Variants in FAAH2 observed in about 807,000 individuals in gnomAD.
FAAH2 encodes the protein fatty-acid amide hydrolase 2.
A neutral mutation model predicts 36.9 loss-of-function variants in FAAH2; 60 were observed. That is an observed-to-expected ratio of 1.63 (90% CI 1.32 to 2.02). FAAH2 has a LOEUF of 2.02. Ranked by LOEUF, FAAH2 falls within the 30% of genes most tolerant of loss-of-function variation. The pLI, the probability that FAAH2 is intolerant of heterozygous loss-of-function variation, is 0.00. For synonymous variants in FAAH2, 214 were observed against 143.8 expected (o/e 1.49, Z -3.49); for missense variants, 689 against 397.5 (o/e 1.73, Z -6.23).
the FAAH2 span, among the ~76,000 whole-genome samples, chrX:57,144,622 C>T: frequency 1.8e-5 from 2 of 109,661 alleles, no homozygotes; most frequent in African/African-American, 3.3e-5. Flanking sequence ...ACGTATCACC[C>T]GAGCAGTTTA....
At chrX:57,443,522 A>C (rs2056608849) in intron 8 of FAAH2, among the ~76,000 whole-genome samples, 1 of 111,499 alleles carries the variant, frequency 9.0e-6, no homozygotes, top group Non-Finnish European at 1.9e-5. Context: ...ATCTTTTTTC[A>C]AGGTTTTTAA....
intron 5 of FAAH2, among the ~76,000 whole-genome samples, chrX:57,366,425 C>T (rs2054416731): frequency 8.9e-6 from 1 of 112,023 alleles, no homozygotes; most frequent in East Asian, 2.8e-4. Flanking sequence ...CCTGGAGGGG[C>T]CAATGTGTTC....
chrX:57,485,154 G>A (rs917317900), intron 10 of FAAH2, among the ~76,000 whole-genome samples: 1 of 112,032 alleles, frequency 8.9e-6, no homozygotes, highest in Non-Finnish European at 1.9e-5. Flanking sequence ...TGTGAGGCAC[G>A]TGTTACACCC....
At chrX:57,394,239 G>A in intron 7 of FAAH2, 3 of 726,752 alleles carry the variant, frequency 4.1e-6, no homozygotes, top group Non-Finnish European at 6.6e-6. Flanking sequence ...AAAAAGTTCT[G>A]GTAAAGATGG....
At chrX:57,461,649 G>A (rs1487486843) in intron 10 of FAAH2, among the ~76,000 whole-genome samples, 8 of 111,112 alleles carry the variant, frequency 7.2e-5, no homozygotes, top group African/African-American at 2.6e-4. Context: ...CACAGCTGAA[G>A]CAGTGTTAAG....
intron 5 of FAAH2, among the ~76,000 whole-genome samples, chrX:57,347,647 G>A (rs1046016191): frequency 8.2e-5 from 5 of 60,839 alleles, no homozygotes; most frequent in Non-Finnish European, 1.3e-4. Context: ...TGCTGTTGTT[G>A]TTGTTTTAAT....
chrX:57,283,017 A>G (rs1262360434), upstream of FAAH2, among the ~76,000 whole-genome samples: 1 of 111,922 alleles, frequency 8.9e-6, no homozygotes. Context: ...TCTACCCTAG[A>G]GAAATTCAGA....
chrX:57,210,736 G>A, the FAAH2 span, among the ~76,000 whole-genome samples: 25 of 112,269 alleles, frequency 2.2e-4, no homozygotes, highest in South Asian at 3.7e-4. Context: ...GATGGTACTG[G>A]AAGTCCTAGC....
chrX:57,302,061 A>G (rs2052387900), intron 2 of FAAH2, among the ~76,000 whole-genome samples: 2 of 111,873 alleles, frequency 1.8e-5, no homozygotes, highest in Admixed American at 9.6e-5. Context: ...TCCCTGAAGC[A>G]TCTATTGTCA....
intron 7 of FAAH2, among the ~76,000 whole-genome samples, chrX:57,402,109 G>A (rs780667328): frequency 9.0e-6 from 1 of 111,516 alleles, no homozygotes; most frequent in Non-Finnish European, 1.9e-5. Flanking sequence ...CATACCCGGG[G>A]CTCTGTGAGG....
chrX:57,302,860 A>G (rs2052415549), intron 2 of FAAH2, among the ~76,000 whole-genome samples: 1 of 111,164 alleles, frequency 9.0e-6, no homozygotes, highest in Non-Finnish European at 1.9e-5. Context: ...CCATAGAAGC[A>G]AGGGTAAGGA....
chrX:57,257,480 G>A, the FAAH2 span, among the ~76,000 whole-genome samples: 1 of 110,307 alleles, frequency 9.1e-6, no homozygotes, highest in Non-Finnish European at 1.9e-5. Context: ...ACTCATAAGT[G>A]GGAGTTGAAC....
At chrX:57,258,173 G>A in the FAAH2 span, among the ~76,000 whole-genome samples, 4 of 111,283 alleles carry the variant, frequency 3.6e-5, no homozygotes, top group Admixed American at 1.9e-4. Flanking sequence ...TTTCATTAAA[G>A]CATCAGGAAT....
At chrX:57,242,461 G>T in the FAAH2 span, among the ~76,000 whole-genome samples, 1 of 112,206 alleles carries the variant, frequency 8.9e-6, no homozygotes, top group African/African-American at 3.2e-5. Flanking sequence ...ATCCAGGCAT[G>T]GCTGGCAATA....
At chrX:57,254,822 A>G in the FAAH2 span, among the ~76,000 whole-genome samples, 3 of 111,850 alleles carry the variant, frequency 2.7e-5, no homozygotes, top group Admixed American at 1.9e-4. Flanking sequence ...AGAGAAAGCA[A>G]GAGACATCTA....
At chrX:57,290,557 C>T (rs1376698366) in intron 1 of FAAH2, among the ~76,000 whole-genome samples, 1 of 110,122 alleles carries the variant, frequency 9.1e-6, no homozygotes, top group African/African-American at 3.3e-5. Context: ...TAATACTAAC[C>T]ATTTTTCTGC....
intron 7 of FAAH2, chrX:57,394,371 C>T (rs2055241737): frequency 1.7e-6 from 2 of 1,190,333 alleles, no homozygotes; most frequent in Non-Finnish European, 2.3e-6. Context: ...CGTTCTAGTG[C>T]TGACAGCAGA....
chrX:57,345,560 A>G (rs2053799956), intron 5 of FAAH2, among the ~76,000 whole-genome samples: 1 of 109,902 alleles, frequency 9.1e-6, no homozygotes, highest in African/African-American at 3.3e-5. Context: ...TATCTTGTTT[A>G]TTCCTTCAAA....
At chrX:57,205,318 A>G in the FAAH2 span, among the ~76,000 whole-genome samples, 1 of 112,603 alleles carries the variant, frequency 8.9e-6, no homozygotes, top group East Asian at 2.8e-4. Flanking sequence ...AGCGTTAAAT[A>G]TTGCAGTAAT....
Sources: allele counts gnomAD v4.1 joint callset (sites outside exome capture counted in the v4.1 genomes callset), GRCh38; gene constraint gnomAD v4.1.1; transcripts MANE v1.5; gene names NCBI Gene and HGNC (gene_info 2026-07-23, HGNC 2026-07-21).